PDILT: variants seen among roughly 807,000 people sequenced by gnomAD.
PDILT encodes protein disulfide-isomerase-like protein of the testis.
PDILT carries 43 observed loss-of-function variants against 53.7 expected under a neutral mutation model. The observed-to-expected ratio is 0.80, with a 90% CI of 0.63 to 1.03. PDILT has a LOEUF of 1.03. Ranked by LOEUF, PDILT falls within the 50% of genes least tolerant of loss-of-function variation. PDILT has a pLI of 0.00. For missense variants in PDILT, 727 were observed against 712.3 expected (o/e 1.02, Z -0.24); for synonymous variants, 282 against 274.2 (o/e 1.03, Z -0.28).
chr16:20,369,601 A>C lies in PDILT; in HGVS notation c.1007T>G (p.Val336Gly). 1 of 1,614,192 alleles carries C rather than the reference A, an allele frequency of 6.2e-7. No individual in the cohort carries two copies. The highest frequency in any genetic ancestry group is 8.5e-7 in the Non-Finnish European group (1 of 1,180,034). The change falls in exon 8 of 12, where the codon GTC becomes GGC. Residue 336 changes from valine to glycine, a missense_variant. Val to Gly is a moderately radical substitution (Grantham distance 109). Transcript: ENST00000302451. ...FRVTEVDIPS[V>G]QILNLSSDAR... ...GTCAGAGCTCAAGTTTAGGATTTGG[A>C]CGGATGGGATATCGACCTCTGTGAC...
intron 9 of PDILT, among the ~76,000 whole-genome samples, chr16:20,364,738 C>T (rs1043982320): frequency 2.6e-5 from 4 of 152,090 alleles, no homozygotes; most frequent in Admixed American, 1.3e-4. Context: ...TTAGATAAGC[C>T]CTGGAAGTAA....
chr16:20,369,648 T>C lies in PDILT; in HGVS notation c.960A>G (p.Gly320=). ...ILVDADEPRN[G]RVFKYFRVTE... The stretch of plus-strand genomic sequence containing the variant: ...TGACCCGGAAGTACTTGAAGACACG[T>C]CCATTTCTGGGTTCGTCTGCATCCA... Residue 320 remains glycine, a synonymous_variant, in exon 8 of 12, where the codon GGA becomes GGG. Transcript: ENST00000302451. 2 of 1,614,212 alleles carry C rather than the reference T, an allele frequency of 1.2e-6. No individual in the cohort carries two copies. Among genetic ancestry groups the C allele is most frequent in the South Asian group, 1.1e-5 (1 of 91,086 alleles).
At chr16:20,401,691 C>T (rs956137927) in intron 1 of PDILT, among the ~76,000 whole-genome samples, 1 of 152,208 alleles carries the variant, frequency 6.6e-6, no homozygotes, top group African/African-American at 2.4e-5. Flanking sequence ...GGGCCAGTGA[C>T]CCTGAGTCAG....
At chr16:20,393,166 A>T (rs955309389) in intron 2 of PDILT, among the ~76,000 whole-genome samples, 6 of 152,236 alleles carry the variant, frequency 3.9e-5, no homozygotes, top group Admixed American at 1.3e-4. Flanking sequence ...TCCTCCCTGT[A>T]AAAGTCACCA....
chr16:20,375,506 C>A (rs1966371687), intron 4 of PDILT, among the ~76,000 whole-genome samples: 1 of 152,116 alleles, frequency 6.6e-6, no homozygotes, highest in African/African-American at 2.4e-5. Flanking sequence ...ATGAGAAACT[C>A]ATTCTCCTAA....
intron 4 of PDILT, 95 bp downstream of exon 4, chr16:20,375,973 G>C (rs1383542987): frequency 6.8e-7 from 1 of 1,469,930 alleles, no homozygotes; most frequent in Non-Finnish European, 9.2e-7. Context: ...AGAAAATTGG[G>C]CAATCAAAAC....
chr16:20,367,033 T>C (rs1361828840), intron 8 of PDILT, among the ~76,000 whole-genome samples: 26 of 10,672 alleles, frequency 2.4e-3, no homozygotes, highest in African/African-American at 8.3e-3. Context: ...TCTTCTTTCT[T>C]TCTTTCTTTC....
chr16:20,359,753 A>T (rs9929792), intron 11 of PDILT, among the ~76,000 whole-genome samples, 186 bp from the exon 12 acceptor site: 66,138 of 152,030 alleles, frequency 0.44, 15,058 homozygotes, highest in Non-Finnish European at 0.51. Flanking sequence ...TTGGTTTCAG[A>T]GGTAAAGTGC....
chr16:20,361,604 A>T (rs1480538568), intron 10 of PDILT, among the ~76,000 whole-genome samples: 1 of 152,140 alleles, frequency 6.6e-6, no homozygotes. Context: ...TCAGTAACAC[A>T]ACTCCCCGAC....
intron 3 of PDILT, among the ~76,000 whole-genome samples, chr16:20,381,039 C>T (rs1966454193): frequency 6.6e-6 from 1 of 152,230 alleles, no homozygotes; most frequent in South Asian, 2.1e-4. Context: ...TTGACTAGGA[C>T]CAGCACTGGG....
At chr16:20,384,592 T>C in intron 3 of PDILT, 53 bp downstream of exon 3, 1 of 1,605,976 alleles carries the variant, frequency 6.2e-7, no homozygotes, top group Non-Finnish European at 8.5e-7. Context: ...CCTATAGCTG[T>C]TAAGTGGACT....
At chr16:20,374,253 T>C (rs1280917211) in intron 5 of PDILT, among the ~76,000 whole-genome samples, 1 of 152,080 alleles carries the variant, frequency 6.6e-6, no homozygotes, top group East Asian at 1.9e-4. Flanking sequence ...AGAGATATTT[T>C]GGTTATAAAA....
chr16:20,378,209 A>G (rs943201224), intron 3 of PDILT, among the ~76,000 whole-genome samples: 1 of 152,224 alleles, frequency 6.6e-6, no homozygotes, highest in Admixed American at 6.5e-5. Context: ...TTACATGCAG[A>G]AAGGTGCATA....
In PDILT at chr16:20,399,099, G is replaced by C. The variant is rs143873904; in HGVS notation, c.202C>G (p.His68Asp). ...NQTRFLMVLF[H>D]NPSSKQSRNL... ...CATCACCCAGGATGGGGGCACTCAC[G>C]GAAAAGCACCATGAGGAAGCGGGTC... Residue 68 changes from histidine (H) to aspartate (D), a missense_variant and splice_region_variant, in exon 2 of 12, where the codon CAC (histidine) becomes GAC (aspartate). Transcript: ENST00000302451. 29 of 1,614,126 alleles carry C rather than the reference G, an allele frequency of 1.8e-5. No individual in the cohort carries two copies. The highest frequency in any genetic ancestry group is 1.2e-4 in the Admixed American group (7 of 60,014).
chr16:20,369,531 G>A lies in PDILT; in HGVS notation c.1077C>T (p.Leu359=). The A allele has an allele frequency of 1.2e-6, 2 of 1,614,214 alleles. No homozygotes were observed. Among genetic ancestry groups the A allele is most frequent in the South Asian group, 2.2e-5 (2 of 91,080 alleles). Residue 359 remains leucine (L), a synonymous_variant, in exon 8 of 12, where the codon CTC becomes CTT. Coordinates refer to ENST00000302451, the MANE Select transcript of PDILT (RefSeq NM_174924.2). ...TCAGGAAGCTGCGGCCAAATTTCTT[G>A]AGGCTTTCGTAGGTTATGTCATCTG... ...MPSDDITYES[L]KKFGRSFLSK... is the part of the protein sequence containing the mutation.
At chr16:20,368,458 C>T (rs558698210) in intron 8 of PDILT, among the ~76,000 whole-genome samples, 38 of 152,246 alleles carry the variant, frequency 2.5e-4, no homozygotes, top group African/African-American at 6.3e-4. Flanking sequence ...GCTGTGCACA[C>T]GAGACAGCTT....
At chr16:20,367,079 CTTTCTTTCTTTCTTT>C (rs1966221148) in intron 8 of PDILT, among the ~76,000 whole-genome samples, 1 of 120,186 alleles carries the variant, frequency 8.3e-6, no homozygotes, top group Admixed American at 8.8e-5. Context: ...TTCTTTCTTT[CTTTCTTTCTTTCTTT>C]CTTTCTTTCT....
chr16:20,392,726 C>G (rs946786183), intron 2 of PDILT, among the ~76,000 whole-genome samples: 1 of 152,138 alleles, frequency 6.6e-6, no homozygotes, highest in African/African-American at 2.4e-5. Context: ...CTTTGAAATA[C>G]CTGCTAGTGG....
chr16:20,362,454 A>G lies in PDILT; in HGVS notation c.1366T>C (p.Tyr456His). The G allele has an allele frequency of 1.9e-6, 3 of 1,614,240 alleles. No homozygotes were observed. Among genetic ancestry groups the G allele is most frequent in the South Asian group, 2.2e-5 (2 of 91,080 alleles). The change falls in exon 10 of 12, where the codon TAC (tyrosine) becomes CAC (histidine). Residue 456 changes from tyrosine to histidine, a missense_variant. Transcript: ENST00000302451. ...DVTANDIQLM[Y>H]LDRYPFFRLF... The stretch of plus-strand genomic sequence containing the variant: ...CTGAAGAATGGGTACCGGTCCAGGT[A>G]CATCAGCTGAATGTCATTTGCTGTG...
Sources: gnomAD v4.1 joint callset for allele counts (sites outside exome capture counted in the v4.1 genomes callset) on GRCh38, gnomAD v4.1.1 for gene constraint, MANE v1.5 for transcripts, NCBI Gene and HGNC (gene_info 2026-07-23, HGNC 2026-07-21) for gene names.